ME1: variants seen among roughly 807,000 people sequenced by gnomAD.
The protein encoded by ME1 is NADP-dependent malic enzyme.
ME1 carries 74 observed loss-of-function variants against 66.4 expected under a neutral mutation model. The observed-to-expected ratio is 1.11, with a 90% CI of 0.92 to 1.35. The LOEUF (loss-of-function observed/expected upper bound fraction) is 1.35, where lower values mean the gene tolerates loss of function less well. Among genes scored for constraint, ME1 ranks in the 40% most tolerant of loss-of-function variants. The probability of loss-of-function intolerance (pLI) is 0.00; values close to 1 mark genes in which losing one functional copy is unlikely to be tolerated. For missense variants in ME1, 750 were observed against 694.1 expected, an observed-to-expected ratio of 1.08 and a Z score of -0.90; for synonymous variants, 251 against 235.6, an observed-to-expected ratio of 1.07 and a Z score of -0.60.
Position 83,219,331 on chromosome 6 carries a change from A to T in ME1, c.1450-2735T>A, listed in dbSNP as rs1790045034. ...CAAAATGAATAGCACAATGTTAAAA[A>T]GATGTCAGAGCATGGTGGTTGAAGG... is the stretch of plus-strand genomic sequence containing the variant. On this transcript the variant is annotated intron_variant, in intron 12 of 13. Coordinates refer to ENST00000369705, the MANE Select transcript of ME1 (RefSeq NM_002395.6). Among the ~76,000 whole-genome samples, 9 of 152,216 alleles carry T rather than the reference A, an allele frequency of 5.9e-5. No homozygotes were observed. The South Asian group carries it at 1.9e-3, about 31-fold the overall frequency.
Position 83,404,227 on chromosome 6 carries a change from G to A in ME1, c.212+3541C>T, listed in dbSNP as rs538498480. 5.3e-5 allele frequency among the ~76,000 whole-genome samples: 8 copies of A among 151,930 alleles called. No homozygotes were observed. The East Asian group carries it at 7.7e-4, about 15-fold the overall frequency. On this transcript the variant is annotated intron_variant, in intron 2 of 13. Transcript: ENST00000369705. ...GTGGTGTCAGATGGTATTTCATTGC[G>A]GTTTTGATTTGCATTTCTCTAATGA...
At chr6:83,378,484 G>A (rs1351142553) in intron 3 of ME1, among the ~76,000 whole-genome samples, 5 of 151,888 alleles carry the variant, frequency 3.3e-5, no homozygotes, top group Non-Finnish European at 7.4e-5. Context: ...TATAGACCCT[G>A]ACAAAAACTA....
In ME1 at chr6:83,266,622, G is replaced by A. The variant is rs147830499; in HGVS notation, c.705-12884C>T. 1.1e-4 allele frequency among the ~76,000 whole-genome samples: 16 copies of A among 152,152 alleles called. No homozygotes were observed. The South Asian group carries it at 1.9e-3, about 18-fold the overall frequency. On this transcript the variant is annotated intron_variant, in intron 6 of 13. Transcript: ENST00000369705. ...TGTTCCCTGTTTTATAAATAAGCTC[G>A]TTTCCTCTCATATACTGAGGACATC... is the stretch of plus-strand genomic sequence containing the variant.
In ME1 at chr6:83,340,938, T is replaced by C. The variant is rs752710543; in HGVS notation, c.600+5235A>G. ...TTCTATTTATTCTGTGGATGGACTC[T>C]GGTGACAGTTGACAAGCATTCAACC... On this transcript the variant is annotated intron_variant, in intron 5 of 13. Coordinates refer to ENST00000369705, the MANE Select transcript of ME1 (RefSeq NM_002395.6). Among the ~76,000 whole-genome samples the C allele has an allele frequency of 2.4e-4, 37 of 152,270 alleles. No homozygotes were observed. In the Middle Eastern group the frequency reaches 0.017, roughly 70 times the overall value.
chr6:83,333,433 G>C (rs1184454111), intron 5 of ME1, among the ~76,000 whole-genome samples: 3 of 152,020 alleles, frequency 2.0e-5, no homozygotes, highest in Admixed American at 2.0e-4. Flanking sequence ...TAAAGCAGCA[G>C]TGAAAGAATA....
intron 7 of ME1, among the ~76,000 whole-genome samples, chr6:83,249,952 T>C (rs1388425359): frequency 6.6e-6 from 1 of 152,178 alleles, no homozygotes; most frequent in Non-Finnish European, 1.5e-5. Flanking sequence ...TTTTATCCCA[T>C]TGTCTTTTCT....
intron 6 of ME1, among the ~76,000 whole-genome samples, chr6:83,302,556 TA>T: frequency 6.6e-6 from 1 of 152,304 alleles, no homozygotes; most frequent in Middle Eastern, 3.4e-3. Flanking sequence ...GACTTAATGC[TA>T]AGTCAAATAA....
At chr6:83,216,935 T>C (rs1452519145) in intron 12 of ME1, among the ~76,000 whole-genome samples, 1 of 152,134 alleles carries the variant, frequency 6.6e-6, no homozygotes, top group Non-Finnish European at 1.5e-5. Context: ...AGGAAGATGA[T>C]AGAGTAATGA....
chr6:83,357,108 T>C (rs116184916), intron 3 of ME1, among the ~76,000 whole-genome samples: 34 of 152,340 alleles, frequency 2.2e-4, no homozygotes, highest in African/African-American at 7.9e-4. Context: ...TTGCTCATAA[T>C]TAGACTGAGA....
At chr6:83,262,353 T>C (rs1766915037) in intron 6 of ME1, among the ~76,000 whole-genome samples, 1 of 152,190 alleles carries the variant, frequency 6.6e-6, no homozygotes, top group African/African-American at 2.4e-5. Context: ...TCCTTATGCC[T>C]AAAATGCCTT....
chr6:83,262,046 A>G (rs1583346041), intron 6 of ME1, among the ~76,000 whole-genome samples: 1 of 151,904 alleles, frequency 6.6e-6, no homozygotes, highest in East Asian at 1.9e-4. Flanking sequence ...AAGAAAAAGC[A>G]TGAAGTATGT....
At chr6:83,281,651 C>T (rs978080731) in intron 6 of ME1, among the ~76,000 whole-genome samples, 1 of 151,046 alleles carries the variant, frequency 6.6e-6, no homozygotes, top group South Asian at 2.1e-4. Flanking sequence ...ACTAAAAGTA[C>T]AACAATTAGC....
intron 6 of ME1, among the ~76,000 whole-genome samples, chr6:83,278,553 T>G (rs1388201615): frequency 6.6e-6 from 1 of 152,100 alleles, no homozygotes; most frequent in Non-Finnish European, 1.5e-5. Flanking sequence ...GTGATCCTCC[T>G]GTCTCAGCCT....
At chr6:83,276,422 G>C (rs1767183802) in intron 6 of ME1, among the ~76,000 whole-genome samples, 1 of 152,158 alleles carries the variant, frequency 6.6e-6, no homozygotes, top group Admixed American at 6.5e-5. Context: ...TGCAAAGCAT[G>C]ACAATGTCCC....
intron 2 of ME1, among the ~76,000 whole-genome samples, chr6:83,407,496 A>C (rs563876966): frequency 1.6e-4 from 25 of 152,352 alleles, no homozygotes; most frequent in African/African-American, 6.0e-4. Context: ...TATTCTGTTC[A>C]GGATGGCATT....
chr6:83,260,459 G>A (rs1258179770), intron 6 of ME1, among the ~76,000 whole-genome samples: 1 of 152,086 alleles, frequency 6.6e-6, no homozygotes, highest in Non-Finnish European at 1.5e-5. Context: ...ACATATACAA[G>A]GTAGTTCTAT....
chr6:83,213,575 C>T (rs764224202), intron 13 of ME1, among the ~76,000 whole-genome samples: 46 of 152,118 alleles, frequency 3.0e-4, no homozygotes, highest in Admixed American at 6.5e-4. Flanking sequence ...CCATGTTGGC[C>T]AGTCTGGTCT....
chr6:83,354,397 G>T (rs1290683383), intron 3 of ME1, among the ~76,000 whole-genome samples: 1 of 152,196 alleles, frequency 6.6e-6, no homozygotes, highest in East Asian at 1.9e-4. Flanking sequence ...TTCCCAAAGT[G>T]TTGGGATTAT....
intron 1 of ME1, among the ~76,000 whole-genome samples, chr6:83,423,610 G>A (rs1026560052): frequency 1.3e-5 from 2 of 151,948 alleles, no homozygotes; most frequent in Non-Finnish European, 2.9e-5. Flanking sequence ...ACTAGATGGG[G>A]TAACATGATG....
Sources: allele counts gnomAD v4.1 joint callset (sites outside exome capture counted in the v4.1 genomes callset), GRCh38; gene constraint gnomAD v4.1.1; transcripts MANE v1.5; gene names NCBI Gene and HGNC (gene_info 2026-07-23, HGNC 2026-07-21).